The following RANBP2 variants were observed in gnomAD, a reference collection of about 807,000 sequenced individuals.
RANBP2 encodes the protein RAN binding protein 2.
Under a neutral mutation model 303.6 loss-of-function variants are expected in RANBP2, and 57 were observed. The observed-to-expected ratio is 0.19, with a 90% CI of 0.15 to 0.23. The LOEUF is 0.23. RANBP2 is among the 10% of genes least tolerant of loss of function. The pLI is 1.00. For missense variants in RANBP2, 3,138 were observed against 3,780.8 expected, an observed-to-expected ratio of 0.83 and a Z score of 4.46; for synonymous variants, 1,167 against 1,301.5, an observed-to-expected ratio of 0.90 and a Z score of 2.23.
At chr2:109,170,254 C>A in the RANBP2 span, among the ~76,000 whole-genome samples, 1 of 15,592 alleles carries the variant, frequency 6.4e-5, no homozygotes, top group Middle Eastern at 0.056. Flanking sequence ...TTTCTCTTCT[C>A]TTCTCTTCTC....
At chr2:109,774,540 A>AAATATATAT in the RANBP2 span, among the ~76,000 whole-genome samples, 1 of 76,142 alleles carries the variant, frequency 1.3e-5, no homozygotes, top group Non-Finnish European at 2.3e-5. Context: ...ATTATATATA[A>AAATATATAT]AATATATATA....
the RANBP2 span, among the ~76,000 whole-genome samples, chr2:109,083,257 A>T: frequency 6.6e-6 from 1 of 152,104 alleles, no homozygotes; most frequent in Non-Finnish European, 1.5e-5. Context: ...ACCTTCTCAG[A>T]CTGAAACCCT....
the RANBP2 span, among the ~76,000 whole-genome samples, chr2:109,350,109 C>G: frequency 1.3e-5 from 2 of 152,204 alleles, no homozygotes; most frequent in Non-Finnish European, 2.9e-5. Flanking sequence ...TGATGGAATT[C>G]CATGTTCCAT....
the RANBP2 span, among the ~76,000 whole-genome samples, chr2:109,353,663 T>G: frequency 1.3e-5 from 2 of 152,140 alleles, no homozygotes; most frequent in African/African-American, 4.8e-5. Context: ...CCTTCACTCT[T>G]CAGATGTTTA....
the RANBP2 span, among the ~76,000 whole-genome samples, chr2:108,941,494 C>A: frequency 6.6e-6 from 1 of 152,170 alleles, no homozygotes; most frequent in Admixed American, 6.5e-5. Flanking sequence ...CTTTGAGGGG[C>A]TTCCTGGCGA....
chr2:109,085,594 C>T, the RANBP2 span, among the ~76,000 whole-genome samples: 5 of 147,430 alleles, frequency 3.4e-5, no homozygotes, highest in Non-Finnish European at 7.4e-5. Context: ...TGAACCACCA[C>T]ACCTGGCTTT....
the RANBP2 span, among the ~76,000 whole-genome samples, chr2:109,019,467 G>C: frequency 6.6e-6 from 1 of 152,174 alleles, no homozygotes; most frequent in African/African-American, 2.4e-5. Flanking sequence ...TTCTGACATT[G>C]CTGGTCTTAG....
At chr2:109,288,436 C>G in the RANBP2 span, among the ~76,000 whole-genome samples, 4 of 152,164 alleles carry the variant, frequency 2.6e-5, no homozygotes, top group Non-Finnish European at 5.9e-5. Context: ...AGCTTTAAAA[C>G]CCGATAAAGC....
the RANBP2 span, among the ~76,000 whole-genome samples, chr2:109,031,880 G>A: frequency 4.0e-5 from 6 of 151,860 alleles, no homozygotes; most frequent in African/African-American, 1.5e-4. Context: ...TGTCCCGTGA[G>A]CGCTACCACC....
chr2:108,823,118 A>C, the RANBP2 span, among the ~76,000 whole-genome samples: 2 of 152,192 alleles, frequency 1.3e-5, no homozygotes, highest in Admixed American at 1.3e-4. Context: ...AAAATCTGAA[A>C]AGTCCAATGA....
chr2:109,080,642 A>C, the RANBP2 span, among the ~76,000 whole-genome samples: 1 of 152,188 alleles, frequency 6.6e-6, no homozygotes, highest in African/African-American at 2.4e-5. Context: ...ACCTTTCAAG[A>C]ACTATTCTTG....
the RANBP2 span, among the ~76,000 whole-genome samples, chr2:109,423,787 A>T: frequency 6.6e-6 from 1 of 152,154 alleles, no homozygotes; most frequent in East Asian, 1.9e-4. Context: ...TTACAGACAG[A>T]TGCGACCAAG....
chr2:108,772,342 C>T, intron 21 of RANBP2, 147 bp from the exon 22 acceptor site: 1 of 624,902 alleles, frequency 1.6e-6, no homozygotes, highest in South Asian at 1.9e-5. Flanking sequence ...TGAGCTAAAG[C>T]TCTAGCAGAA....
chr2:108,974,729 C>CA, the RANBP2 span, among the ~76,000 whole-genome samples: 738 of 143,450 alleles, frequency 5.1e-3, 1 homozygote, highest in Non-Finnish European at 7.9e-3. Flanking sequence ...GACTCCATCT[C>CA]AAAAAAAAAA....
chr2:108,758,988 A>G (rs1010754207), intron 18 of RANBP2, among the ~76,000 whole-genome samples: 10 of 148,810 alleles, frequency 6.7e-5, no homozygotes, highest in Non-Finnish European at 1.3e-4. Flanking sequence ...AGGAGTTTGG[A>G]CCTGAATCAT....
chr2:109,025,366 G>A, the RANBP2 span, among the ~76,000 whole-genome samples: 332 of 152,318 alleles, frequency 2.2e-3, 1 homozygote, highest in Non-Finnish European at 3.1e-3. Context: ...ATATTAAGGA[G>A]TGGAGTTTCT....
the RANBP2 span, among the ~76,000 whole-genome samples, chr2:109,729,956 C>A: frequency 6.6e-6 from 1 of 152,196 alleles, no homozygotes; most frequent in Non-Finnish European, 1.5e-5. Context: ...GAAGGAGGAA[C>A]TGTCAAACAT....
the RANBP2 span, among the ~76,000 whole-genome samples, chr2:109,307,100 TTC>T: frequency 6.6e-6 from 1 of 152,224 alleles, no homozygotes; most frequent in South Asian, 2.1e-4. Flanking sequence ...CATTCTTTAT[TTC>T]TCTCTTACAG....
the RANBP2 span, among the ~76,000 whole-genome samples, chr2:109,659,914 G>A: frequency 6.6e-6 from 1 of 152,190 alleles, no homozygotes; most frequent in South Asian, 2.1e-4. Context: ...ACAAGCAAAT[G>A]CCCAGATAGC....
Sources: allele counts gnomAD v4.1 joint callset (sites outside exome capture counted in the v4.1 genomes callset), GRCh38; gene constraint gnomAD v4.1.1; transcripts MANE v1.5; gene names NCBI Gene and HGNC (gene_info 2026-07-23, HGNC 2026-07-21).